Variants in DNAH7 observed in about 807,000 individuals in gnomAD.
The protein encoded by DNAH7 is axonemal beta dynein heavy chain 7.
In DNAH7, 397 loss-of-function variants were observed where a neutral mutation model predicts 444.6. The observed-to-expected ratio is 0.89, with a 90% CI of 0.82 to 0.97. DNAH7 has a LOEUF of 0.97. Among genes scored for constraint, DNAH7 ranks in the 50% least tolerant of loss-of-function variants. The pLI is 0.00. For synonymous variants in DNAH7, 1,636 were observed against 1,624.4 expected (o/e 1.01, Z -0.17); for missense variants, 4,902 against 4,800.8 (o/e 1.02, Z -0.62).
chr2:195,789,304 G>A (rs771833722), intron 57 of DNAH7, among the ~76,000 whole-genome samples: 18 of 151,450 alleles, frequency 1.2e-4, no homozygotes, highest in Non-Finnish European at 1.9e-4. Context: ...TACCATTGAG[G>A]GGAAAAAAAA....
At chr2:195,850,677 G>A (rs1043194332) in intron 46 of DNAH7, among the ~76,000 whole-genome samples, 4 of 152,192 alleles carry the variant, frequency 2.6e-5, no homozygotes, top group Admixed American at 2.0e-4. Flanking sequence ...CCAGAGACTT[G>A]AAACCCTTTG....
At chr2:195,936,303 G>T (rs1224474738) in intron 20 of DNAH7, among the ~76,000 whole-genome samples, 1 of 152,138 alleles carries the variant, frequency 6.6e-6, no homozygotes. Context: ...GAACCTGGGA[G>T]GCGGAGGTTG....
intron 40 of DNAH7, 127 bp downstream of exon 40, chr2:195,872,121 GCC>G: frequency 7.1e-6 from 5 of 701,934 alleles, no homozygotes; most frequent in Non-Finnish European, 1.1e-5. Flanking sequence ...CTGAACACTG[GCC>G]TTCAAAATGC....
chr2:195,907,412 C>G (rs1687095534), intron 25 of DNAH7, among the ~76,000 whole-genome samples: 3 of 152,052 alleles, frequency 2.0e-5, no homozygotes, highest in Admixed American at 6.6e-5. Context: ...GGTTTGAGCA[C>G]CTTAATAGCC....
At chr2:195,992,585 G>A (rs924500933) in intron 12 of DNAH7, among the ~76,000 whole-genome samples, 2 of 152,128 alleles carry the variant, frequency 1.3e-5, no homozygotes, top group African/African-American at 2.4e-5. Context: ...TGCCTACTGT[G>A]TGCCTGCCAC....
chr2:195,937,915 G>A (rs1689161539), intron 19 of DNAH7, among the ~76,000 whole-genome samples: 1 of 152,016 alleles, frequency 6.6e-6, no homozygotes, highest in Non-Finnish European at 1.5e-5. Context: ...TAATGTAACA[G>A]GGCATTTTAG....
chr2:196,019,139 T>A, intron 9 of DNAH7, 31 bp downstream of exon 9: 1 of 1,392,840 alleles, frequency 7.2e-7, no homozygotes, highest in Non-Finnish European at 9.4e-7. Flanking sequence ...CTCTATATTT[T>A]AAAAACCTCT....
intron 63 of DNAH7, among the ~76,000 whole-genome samples, chr2:195,753,935 A>G (rs969536525): frequency 4.6e-5 from 7 of 152,226 alleles, no homozygotes; most frequent in Admixed American, 6.5e-5. Flanking sequence ...CTTCTTTTCA[A>G]TGCTGTACAT....
intron 61 of DNAH7, among the ~76,000 whole-genome samples, chr2:195,767,615 C>T (rs1694646597): frequency 6.6e-6 from 1 of 151,886 alleles, no homozygotes; most frequent in East Asian, 1.9e-4. Flanking sequence ...TTCAATCTTT[C>T]TTGTTTAATA....
intron 19 of DNAH7, among the ~76,000 whole-genome samples, chr2:195,938,604 A>T (rs1689216705): frequency 6.6e-6 from 1 of 152,202 alleles, no homozygotes; most frequent in Admixed American, 6.6e-5. Flanking sequence ...TTAATCTAAG[A>T]TTTGAAAGCT....
At chr2:196,003,083 A>G (rs1694144550) in intron 10 of DNAH7, among the ~76,000 whole-genome samples, 1 of 152,040 alleles carries the variant, frequency 6.6e-6, no homozygotes, top group African/African-American at 2.4e-5. Context: ...AAAGAAAAAA[A>G]AATCTGAAAT....
intron 1 of DNAH7, among the ~76,000 whole-genome samples, chr2:196,061,122 G>C (rs1188873467): frequency 6.6e-6 from 1 of 151,980 alleles, no homozygotes; most frequent in Non-Finnish European, 1.5e-5. Context: ...TACTCTAATA[G>C]CAGTTTTCAA....
At chr2:195,821,173 AAGAAG>A (rs1697451892) in intron 49 of DNAH7, among the ~76,000 whole-genome samples, 2 of 145,036 alleles carry the variant, frequency 1.4e-5, no homozygotes, top group African/African-American at 2.8e-5. Flanking sequence ...AAAAAAAAAA[AAGAAG>A]AAGAAGAAGA....
intron 63 of DNAH7, among the ~76,000 whole-genome samples, chr2:195,746,229 C>T (rs1052014567): frequency 9.4e-4 from 143 of 151,970 alleles, no homozygotes; most frequent in African/African-American, 3.4e-3. Context: ...TTTAAACCAA[C>T]AAAGATCAAA....
Position 195,872,310 on chromosome 2 carries a change from A to T in DNAH7, c.6573T>A (p.Cys2191Ter). ...TTTCTGTTGTTTCTGGTCTTGACAA[A>T]CAAACACCTTGAATGACACGGGAGA... ...RDFSRVIQGV[C>*]LSRPETTETT... Residue 2191 changes from cysteine (C) to a stop codon, truncating the protein, a stop_gained, in exon 40 of 65, where the codon TGT becomes TGA. Transcript: ENST00000312428. LOFTEE classifies it high-confidence loss of function. 2 of 1,613,960 alleles carry T rather than the reference A, an allele frequency of 1.2e-6. No homozygotes were observed. The highest frequency in any genetic ancestry group is 1.7e-4 in the Middle Eastern group (1 of 6,058).
At position 195,861,765 on chromosome 2, in the gene DNAH7, T is replaced by C. The variant is rs1700030385; in HGVS notation, c.7688A>G (p.Tyr2563Cys). 8 of 1,613,544 alleles carry C rather than the reference T, an allele frequency of 5.0e-6. No individual in the cohort carries two copies. The highest frequency in any genetic ancestry group is 1.7e-4 in the Middle Eastern group (1 of 6,060). Reference protein sequence around the residue: ...QRYNYVTPTSYLELISTFKLL... With the variant: ...QRYNYVTPTSCLELISTFKLL... Reference sequence around the variant, plus strand: ...TTTGAAGGTGGAGATTAATTCGAGGTAAGAGGTAGGAGTCACATAATTGTA... The same window carrying C: ...TTTGAAGGTGGAGATTAATTCGAGGCAAGAGGTAGGAGTCACATAATTGTA... Residue 2563 changes from tyrosine (Y) to cysteine (C), a missense_variant, in exon 42 of 65, where the codon TAC becomes TGC. By Grantham distance (194) the Tyr-to-Cys change is radical. Coordinates refer to ENST00000312428, the MANE Select transcript of DNAH7 (RefSeq NM_018897.3).
At chr2:196,010,298 C>T (rs189357930) in intron 10 of DNAH7, among the ~76,000 whole-genome samples, 7 of 152,028 alleles carry the variant, frequency 4.6e-5, no homozygotes, top group South Asian at 2.1e-4. Context: ...TACAGGTGTG[C>T]GCCACCACAC....
chr2:195,819,112 T>C (rs1396003781), intron 49 of DNAH7, among the ~76,000 whole-genome samples: 1 of 152,146 alleles, frequency 6.6e-6, no homozygotes, highest in Non-Finnish European at 1.5e-5. Context: ...CCCTTCCCCT[T>C]GTTATCCACC....
At chr2:196,008,547 T>C (rs1694524690) in intron 10 of DNAH7, among the ~76,000 whole-genome samples, 1 of 152,224 alleles carries the variant, frequency 6.6e-6, no homozygotes, top group African/African-American at 2.4e-5. Context: ...ATAAAATGTC[T>C]TATATCCATA....
Sources: allele counts gnomAD v4.1 joint callset (sites outside exome capture counted in the v4.1 genomes callset), GRCh38; gene constraint gnomAD v4.1.1; transcripts MANE v1.5; gene names NCBI Gene and HGNC (gene_info 2026-07-23, HGNC 2026-07-21).